Variants in NELL2 observed in about 807,000 individuals in gnomAD.
The protein encoded by NELL2 is neural EGFL like 2, also known as protein kinase C-binding protein NELL2.
In NELL2, 41 loss-of-function variants were observed where a neutral mutation model predicts 109.6. That is an observed-to-expected ratio of 0.37 (90% CI 0.29 to 0.49). The LOEUF (loss-of-function observed/expected upper bound fraction) is 0.49. Among genes scored for constraint, NELL2 ranks in the 20% least tolerant of loss-of-function variants. The probability of loss-of-function intolerance (pLI) is 0.98; values close to 1 mark genes in which losing one functional copy is unlikely to be tolerated. For synonymous variants in NELL2, 355 were observed against 344.7 expected (o/e 1.03, Z -0.33); for missense variants, 900 against 1,008.3 (o/e 0.89, Z 1.45).
chr12:44,810,264 C>T (rs1943130878), intron 3 of NELL2, among the ~76,000 whole-genome samples: 1 of 152,110 alleles, frequency 6.6e-6, no homozygotes, highest in Non-Finnish European at 1.5e-5. Flanking sequence ...CAATCCTTGA[C>T]AGCAGAAAAC....
At chr12:44,534,719 G>C (rs1359397321) in intron 15 of NELL2, among the ~76,000 whole-genome samples, 1 of 152,094 alleles carries the variant, frequency 6.6e-6, no homozygotes, top group African/African-American at 2.4e-5. Context: ...AGCTTTAGAA[G>C]TGAGTTTTAT....
intron 9 of NELL2, among the ~76,000 whole-genome samples, chr12:44,745,138 G>C (rs975258254): frequency 2.6e-5 from 4 of 152,164 alleles, no homozygotes; most frequent in Admixed American, 6.5e-5. Flanking sequence ...GGGATGCAAG[G>C]CTGGTTCAAC....
chr12:44,550,186 A>T (rs1375629427), intron 15 of NELL2, among the ~76,000 whole-genome samples: 1 of 152,162 alleles, frequency 6.6e-6, no homozygotes, highest in East Asian at 1.9e-4. Flanking sequence ...CTGGATATTC[A>T]CACACAAAAG....
intron 9 of NELL2, among the ~76,000 whole-genome samples, chr12:44,730,761 A>T (rs1260117720): frequency 6.6e-6 from 1 of 152,016 alleles, no homozygotes; most frequent in East Asian, 1.9e-4. Context: ...CAGAAGGAAG[A>T]AAATAATAAA....
chr12:44,587,339 T>G (rs560274894), intron 15 of NELL2, among the ~76,000 whole-genome samples: 10 of 143,874 alleles, frequency 7.0e-5, no homozygotes, highest in Admixed American at 2.1e-4. Context: ...ATATACACAT[T>G]TGTCCCTATT....
chr12:44,602,530 A>G (rs938481864), intron 15 of NELL2, among the ~76,000 whole-genome samples: 5 of 152,184 alleles, frequency 3.3e-5, no homozygotes, highest in Non-Finnish European at 7.4e-5. Context: ...AAAAATTCTT[A>G]TTGGAAAAGC....
intron 2 of NELL2, among the ~76,000 whole-genome samples, chr12:44,818,073 G>C (rs576226047): frequency 6.6e-6 from 1 of 152,170 alleles, no homozygotes; most frequent in Non-Finnish European, 1.5e-5. Context: ...AAAAGCATAA[G>C]AGTAATCTGA....
chr12:44,688,261 A>C (rs964033599), intron 12 of NELL2, among the ~76,000 whole-genome samples: 2 of 152,220 alleles, frequency 1.3e-5, no homozygotes, highest in African/African-American at 4.8e-5. Context: ...AGATTTCATT[A>C]TAATTGGCTT....
chr12:44,676,631 T>C (rs1948329836), intron 12 of NELL2, among the ~76,000 whole-genome samples: 1 of 152,142 alleles, frequency 6.6e-6, no homozygotes. Flanking sequence ...TATGGTACAT[T>C]CCTCAAAAAG....
chr12:44,793,123 C>T (rs1337714478), intron 3 of NELL2, among the ~76,000 whole-genome samples: 3 of 152,000 alleles, frequency 2.0e-5, no homozygotes, highest in African/African-American at 7.2e-5. Context: ...TTTAACAAAA[C>T]TCTGTATGTG....
intron 9 of NELL2, among the ~76,000 whole-genome samples, chr12:44,765,258 G>A (rs1351650929): frequency 6.6e-6 from 1 of 152,058 alleles, no homozygotes; most frequent in Non-Finnish European, 1.5e-5. Flanking sequence ...TATCTTTCCT[G>A]GGTTACTGAG....
intron 9 of NELL2, among the ~76,000 whole-genome samples, chr12:44,746,892 G>A (rs542126146): frequency 3.0e-4 from 45 of 152,268 alleles, no homozygotes; most frequent in South Asian, 1.7e-3. Context: ...TCAGTGTGGC[G>A]ATTCTTCAGG....
chr12:44,591,291 A>C (rs968466461), intron 15 of NELL2, among the ~76,000 whole-genome samples: 1 of 152,198 alleles, frequency 6.6e-6, no homozygotes, highest in Non-Finnish European at 1.5e-5. Flanking sequence ...ATCTGAAGGA[A>C]AGGAAATCAG....
At chr12:44,826,340 C>A (rs1331317376) in intron 2 of NELL2, among the ~76,000 whole-genome samples, 3 of 152,058 alleles carry the variant, frequency 2.0e-5, no homozygotes, top group East Asian at 3.9e-4. Context: ...ATGAGATTAT[C>A]ATTTTTTTTC....
intron 12 of NELL2, among the ~76,000 whole-genome samples, chr12:44,678,460 G>C (rs1223205857): frequency 6.6e-6 from 1 of 151,950 alleles, no homozygotes; most frequent in East Asian, 1.9e-4. Flanking sequence ...TCCAGTCTTG[G>C]ATGGCATCAG....
At chr12:44,891,162 G>A (rs1945529743) in intron 1 of NELL2, among the ~76,000 whole-genome samples, 1 of 152,210 alleles carries the variant, frequency 6.6e-6, no homozygotes, top group Admixed American at 6.5e-5. Flanking sequence ...CTTCTGAGGT[G>A]TTCTTCACTC....
chr12:44,807,329 T>TTA (rs1270679772), intron 3 of NELL2, among the ~76,000 whole-genome samples: 2 of 34,752 alleles, frequency 5.8e-5, no homozygotes, highest in East Asian at 1.4e-3. Flanking sequence ...ATTTTGCTCT[T>TTA]TACACACACA....
chr12:44,793,226 AAATT>A (rs1942497611), intron 3 of NELL2, among the ~76,000 whole-genome samples: 1 of 152,196 alleles, frequency 6.6e-6, no homozygotes, highest in Admixed American at 6.5e-5. Flanking sequence ...TCGAGAATAT[AAATT>A]ATTTAGAAAC....
chr12:44,663,226 T>C (rs1028577985), intron 13 of NELL2, among the ~76,000 whole-genome samples: 49 of 152,148 alleles, frequency 3.2e-4, no homozygotes, highest in Non-Finnish European at 4.3e-4. Flanking sequence ...ACCTGGAATA[T>C]GTGTTGACCT....
Sources: gnomAD v4.1 joint callset for allele counts (sites outside exome capture counted in the v4.1 genomes callset) on GRCh38, gnomAD v4.1.1 for gene constraint, MANE v1.5 for transcripts, NCBI Gene and HGNC (gene_info 2026-07-23, HGNC 2026-07-21) for gene names.